ZNF576: variants seen among roughly 807,000 people sequenced by gnomAD.
ZNF576 encodes the protein zinc finger protein 576.
In ZNF576, 9 loss-of-function variants were observed where a neutral mutation model predicts 10.8. The ratio of observed to expected loss-of-function variants is 0.84; its 90% confidence interval spans 0.50 to 1.46. ZNF576 has a LOEUF of 1.46. ZNF576 is among the 40% of genes most tolerant of loss of function. ZNF576 has a pLI of 0.00. For missense variants in ZNF576, 191 were observed against 233.7 expected, an observed-to-expected ratio of 0.82 and a Z score of 1.19; for synonymous variants, 88 against 89.6, an observed-to-expected ratio of 0.98 and a Z score of 0.10.
Position 43,599,381 on chromosome 19 carries a change from G to A in ZNF576, c.*123G>A. The A allele has an allele frequency of 1.9e-6, 2 of 1,027,718 alleles. No individual in the cohort carries two copies. The highest frequency in any genetic ancestry group is 2.8e-6 in the Non-Finnish European group (2 of 721,172). 63.7% of individuals were successfully genotyped at this position (1,027,718 alleles called of 1,614,324 possible). A position where few individuals can be genotyped will look rare whatever the true frequency, so the allele number is the denominator to read the frequency against. On this transcript the variant is annotated 3_prime_UTR_variant, in exon 3 of 3. Transcript: ENST00000336564. ...TGCTTCCCTCCCCTGGGAAGGCAGA[G>A]GGCTCTTAATAAAGAGGACCCAGAA...
Position 43,599,486 on chromosome 19 carries a change from T to A in ZNF576, c.*228T>A. 1.9e-6 allele frequency: 1 copy of A among 513,456 alleles called. No individual in the cohort carries two copies. Among genetic ancestry groups the A allele is most frequent in the Admixed American group, 3.6e-5 (1 of 27,414 alleles). 31.8% of individuals were successfully genotyped at this position (513,456 alleles called of 1,614,324 possible). Reference sequence around the variant, plus strand: ...GAAATCAGATAATAATGAGATCTTTTGTTAAAAAAAAAAAATGGGAAGGGA... The same window carrying A: ...GAAATCAGATAATAATGAGATCTTTAGTTAAAAAAAAAAAATGGGAAGGGA... On this transcript the variant is annotated 3_prime_UTR_variant, in exon 3 of 3. Coordinates refer to ENST00000336564, the MANE Select transcript of ZNF576 (RefSeq NM_001145347.2).
chr19:43,598,647 G>C (rs1174772608), intron 2 of ZNF576, among the ~76,000 whole-genome samples, 184 bp from the exon 3 acceptor site: 3 of 152,140 alleles, frequency 2.0e-5, no homozygotes, highest in African/African-American at 7.2e-5. Flanking sequence ...TAACCTCTTT[G>C]AATCTCAGTT....
chr19:43,599,039 G>GCC lies in ZNF576; in HGVS notation c.296_297dup (p.Thr100ProfsTer29). 6.2e-7 allele frequency: 1 copy of GCC among 1,614,178 alleles called. No homozygotes were observed. The highest frequency in any genetic ancestry group is 2.2e-5 in the East Asian group (1 of 44,886). On this transcript the variant is annotated frameshift_variant, in exon 3 of 3. Transcript: ENST00000336564. LOFTEE classifies it high-confidence loss of function. ...AGCGCAGCCACGGTCCAGCCGCCAA[G>GCC]CCCACCCTGCCGGTTGCAACCACTA... is the stretch of plus-strand genomic sequence containing the variant.
In ZNF576 at chr19:43,599,005, T is replaced by A. The variant is rs1158049642; in HGVS notation, c.260T>A (p.Ile87Asn). The A allele has an allele frequency of 6.2e-7, 1 of 1,614,116 alleles. No homozygotes were observed. Among genetic ancestry groups the A allele is most frequent in the Admixed American group, 1.7e-5 (1 of 60,012 alleles). Residue 87 changes from isoleucine to asparagine, a missense_variant, in exon 3 of 3, where the codon ATC becomes AAC. Ile to Asn is a moderately radical substitution (Grantham distance 149). Transcript: ENST00000336564. ...TCCTTCCCCTCCTCCAAAGCCCTAA[T>A]CACCCACCAGCGCAGCCACGGTCCA... is the stretch of plus-strand genomic sequence containing the variant. ...ARSFPSSKAL[I>N]THQRSHGPAA...
intron 2 of ZNF576, 101 bp from the exon 3 acceptor site, chr19:43,598,730 A>G (rs1973175780): frequency 1.0e-6 from 1 of 988,594 alleles, no homozygotes; most frequent in Non-Finnish European, 1.5e-6. Context: ...AACCTAGCAC[A>G]TAACACATTC....
At chr19:43,598,488 T>A (rs1243011321) in intron 2 of ZNF576, among the ~76,000 whole-genome samples, 16 of 152,182 alleles carry the variant, frequency 1.1e-4, no homozygotes, top group Non-Finnish European at 1.5e-5. Flanking sequence ...GCCTAGGAAG[T>A]GGTGGAGGTG....
chr19:43,597,203 C>G lies in ZNF576; in HGVS notation c.85+10C>G. On this transcript the variant is annotated intron_variant, in intron 2 of 2. Coordinates refer to ENST00000336564, the MANE Select transcript of ZNF576 (RefSeq NM_001145347.2). Reference sequence around the variant, plus strand: ...CCAGGAGGCAACATCTGTGAGTACACATGGCTGGCGGGCTAGAGGAGGGTG... The same window carrying G: ...CCAGGAGGCAACATCTGTGAGTACAGATGGCTGGCGGGCTAGAGGAGGGTG... 1 of 1,613,086 alleles carries G rather than the reference C, an allele frequency of 6.2e-7. No individual in the cohort carries two copies. The highest frequency in any genetic ancestry group is 8.5e-7 in the Non-Finnish European group (1 of 1,179,092).
At chr19:43,597,365 T>G (rs1351012321) in intron 2 of ZNF576, 172 bp downstream of exon 2, 1 of 606,218 alleles carries the variant, frequency 1.6e-6, no homozygotes, top group Non-Finnish European at 3.0e-6. Context: ...CCAGCTTATG[T>G]GGCCAGAGTA....
intron 2 of ZNF576, among the ~76,000 whole-genome samples, chr19:43,598,061 G>A (rs1220116771): frequency 2.6e-5 from 4 of 152,330 alleles, no homozygotes; most frequent in African/African-American, 4.8e-5. Flanking sequence ...ATTGGCTATC[G>A]TAATAAATCT....
chr19:43,599,283 G>A lies in ZNF576; in HGVS notation c.*25G>A. On this transcript the variant is annotated 3_prime_UTR_variant, in exon 3 of 3. Transcript: ENST00000336564. ...AGTGCAGCTTAAGCCTCTCCACGGT[G>A]ACGGGTGGCTCTGTGGCTGGTAGGA... 6.3e-7 allele frequency: 1 copy of A among 1,595,252 alleles called. No homozygotes were observed. The highest frequency in any genetic ancestry group is 1.3e-5 in the African/African-American group (1 of 74,748).
At chr19:43,597,391 C>A in intron 2 of ZNF576, 198 bp downstream of exon 2, 1 of 555,912 alleles carries the variant, frequency 1.8e-6, no homozygotes, top group South Asian at 2.0e-5. Context: ...CCTCCTCTGG[C>A]CACATAAGCA....
chr19:43,597,013 C>A, intron 1 of ZNF576, 81 bp from the exon 2 acceptor site: 1 of 1,206,046 alleles, frequency 8.3e-7, no homozygotes, highest in South Asian at 1.2e-5. Flanking sequence ...CTGGCGATGT[C>A]AAAGGTCATA....
At chr19:43,597,267 G>A (rs1973156987) in intron 2 of ZNF576, 74 bp downstream of exon 2, 1 of 1,378,216 alleles carries the variant, frequency 7.3e-7, no homozygotes, top group Non-Finnish European at 1.0e-6. Flanking sequence ...GTGGCACTTC[G>A]GTGTCCAAGG....
chr19:43,598,322 A>G (rs1973172060), intron 2 of ZNF576, among the ~76,000 whole-genome samples: 2 of 152,224 alleles, frequency 1.3e-5, no homozygotes, highest in Admixed American at 6.5e-5. Context: ...TCTAGCTGTG[A>G]GTACCAGGCC....
At position 43,599,305 on chromosome 19, in the gene ZNF576, A is replaced by G. The variant is rs369132386; in HGVS notation, c.*47A>G. The stretch of plus-strand genomic sequence containing the variant: ...GGTGACGGGTGGCTCTGTGGCTGGT[A>G]GGACTCACCCATGATATGGGGTGCA... On this transcript the variant is annotated 3_prime_UTR_variant, in exon 3 of 3. Transcript: ENST00000336564. 3.1e-3 allele frequency: 4,919 copies of G among 1,566,564 alleles called. 171 individuals are homozygous for G. In the South Asian group the frequency reaches 0.055, roughly 18 times the overall value.
At position 43,599,278 on chromosome 19, in the gene ZNF576, A is replaced by G; in HGVS notation, c.*20A>G. ...CTCTGAGTGCAGCTTAAGCCTCTCC[A>G]CGGTGACGGGTGGCTCTGTGGCTGG... On this transcript the variant is annotated 3_prime_UTR_variant, in exon 3 of 3. Transcript: ENST00000336564. 1 of 1,599,700 alleles carries G rather than the reference A, an allele frequency of 6.3e-7. No individual in the cohort carries two copies. The highest frequency in any genetic ancestry group is 8.5e-7 in the Non-Finnish European group (1 of 1,170,056).
chr19:43,599,093 C>T lies in ZNF576; in HGVS notation c.348C>T (p.Asp116=), dbSNP rs1177423517. 6.2e-7 allele frequency: 1 copy of T among 1,614,246 alleles called. No individual in the cohort carries two copies. The highest frequency in any genetic ancestry group is 1.7e-5 in the Admixed American group (1 of 60,028). Residue 116 remains aspartate (D), a synonymous_variant, in exon 3 of 3, where the codon GAC becomes GAT. Transcript: ENST00000336564. ...CCCAGCCCACCTTCCCTTGTCCTGA[C>T]TGTGGCAAGACCTTTGGGCAGGCTG... is the stretch of plus-strand genomic sequence containing the variant. ...TTAQPTFPCP[D]CGKTFGQAVS...
At chr19:43,597,002 T>C in intron 1 of ZNF576, 92 bp from the exon 2 acceptor site, 4 of 1,009,974 alleles carry the variant, frequency 4.0e-6, no homozygotes, top group Non-Finnish European at 6.2e-6. Flanking sequence ...AAGGAGAGCC[T>C]CTGGCGATGT....
chr19:43,598,740 C>T (rs1481753290), intron 2 of ZNF576, 91 bp from the exon 3 acceptor site: 1 of 1,060,866 alleles, frequency 9.4e-7, no homozygotes, highest in Non-Finnish European at 1.4e-6. Flanking sequence ...ATAACACATT[C>T]AATGTTAATT....
Sources: gnomAD v4.1 joint callset for allele counts (sites outside exome capture counted in the v4.1 genomes callset) on GRCh38, gnomAD v4.1.1 for gene constraint, MANE v1.5 for transcripts, NCBI Gene and HGNC (gene_info 2026-07-23, HGNC 2026-07-21) for gene names.